Variants in KPNA6 observed in about 807,000 individuals in gnomAD.
KPNA6 encodes the protein karyopherin subunit alpha 6.
In KPNA6, 9 loss-of-function variants were observed where a neutral mutation model predicts 72.0. That is an observed-to-expected ratio of 0.13 (90% CI 0.08 to 0.22). The LOEUF (loss-of-function observed/expected upper bound fraction) is 0.22. KPNA6 is among the 10% of genes least tolerant of loss of function. The pLI, the probability that KPNA6 is intolerant of heterozygous loss-of-function variation, is 1.00. For missense variants in KPNA6, 374 were observed against 655.7 expected (o/e 0.57, Z 4.69); for synonymous variants, 219 against 242.1 (o/e 0.90, Z 0.89).
At chr1:32,158,000 TTC>T (rs1642173644) in intron 4 of KPNA6, among the ~76,000 whole-genome samples, 1 of 152,202 alleles carries the variant, frequency 6.6e-6, no homozygotes, top group Non-Finnish European at 1.5e-5. Flanking sequence ...CCTTAGGTGG[TTC>T]TCTCTCCCAC....
intron 1 of KPNA6, among the ~76,000 whole-genome samples, chr1:32,123,916 C>T (rs1444845436): frequency 6.6e-6 from 1 of 151,218 alleles, no homozygotes; most frequent in East Asian, 1.9e-4. Context: ...CACCAGTAGT[C>T]CCAGCTACTC....
chr1:32,129,336 A>AT (rs199767047), intron 1 of KPNA6, among the ~76,000 whole-genome samples: 1,872 of 146,984 alleles, frequency 0.013, 36 homozygotes, highest in African/African-American at 0.044. Flanking sequence ...TAATTTTTGT[A>AT]TTTTTTTTTA....
chr1:32,144,719 C>T (rs1197051035), intron 1 of KPNA6, among the ~76,000 whole-genome samples: 3 of 151,904 alleles, frequency 2.0e-5, no homozygotes, highest in Non-Finnish European at 2.9e-5. Flanking sequence ...GGCACAATCT[C>T]GCCTCACTGT....
rs1465364959 is a variant in KPNA6, at chr1:32,159,509, A to G, written c.536A>G (p.Asp179Gly). 1.2e-6 allele frequency: 2 copies of G among 1,614,016 alleles called. No individual in the cohort carries two copies. The highest frequency in any genetic ancestry group is 4.5e-5 in the East Asian group (2 of 44,886). ...ATTTTTATAGAGCTGCTTAATTCAGACTTTGAGGATGTTCAGGAACAGGTA... is the reference window on the plus strand; with the variant it reads ...ATTTTTATAGAGCTGCTTAATTCAGGCTTTGAGGATGTTCAGGAACAGGTA... ...VPIFIELLNS[D>G]FEDVQEQAVW... Residue 179 changes from aspartate to glycine, a missense_variant, in exon 6 of 14, where the codon GAC becomes GGC. Physicochemically the swap from Asp to Gly is moderately conservative, Grantham distance 94. Coordinates refer to ENST00000373625, the MANE Select transcript of KPNA6 (RefSeq NM_012316.5).
chr1:32,131,640 A>G (rs1641639218), intron 1 of KPNA6, among the ~76,000 whole-genome samples: 1 of 151,494 alleles, frequency 6.6e-6, no homozygotes, highest in Admixed American at 6.6e-5. Context: ...ACATATATGT[A>G]TGTGTATATA....
At position 32,159,410 on chromosome 1, in the gene KPNA6, C is replaced by T; in HGVS notation, c.437C>T (p.Ala146Val). Residue 146 changes from alanine to valine, a missense_variant, in exon 6 of 14, where the codon GCC becomes GTC. By Grantham distance (64) the Ala-to-Val change is moderately conservative. Coordinates refer to ENST00000373625, the MANE Select transcript of KPNA6 (RefSeq NM_012316.5). ...NENCTLQFEA[A>V]WALTNIASGT... ...TAATCTCACTTTCAGTTTGAAGCTGCCTGGGCTCTAACGAATATTGCCTCT... is the reference window on the plus strand; with the variant it reads ...TAATCTCACTTTCAGTTTGAAGCTGTCTGGGCTCTAACGAATATTGCCTCT... 1 of 1,613,946 alleles carries T rather than the reference C, an allele frequency of 6.2e-7. No individual in the cohort carries two copies. The highest frequency in any genetic ancestry group is 8.5e-7 in the Non-Finnish European group (1 of 1,179,934).
chr1:32,162,402 C>T lies in KPNA6; in HGVS notation c.789C>T (p.Ser263=), dbSNP rs745738744. The T allele has an allele frequency of 5.0e-6, 8 of 1,612,896 alleles. No homozygotes were observed. The highest frequency in any genetic ancestry group is 6.8e-6 in the Non-Finnish European group (8 of 1,179,384). ...CLPVLSRLLF[S]SDSDLLADAC... ...CTGTACTGTCTCGCCTACTCTTCAG[C>T]AGCGACTCGGACTTGCTGGCAGATG... Residue 263 remains serine (S), a synonymous_variant, in exon 9 of 14, where the codon AGC becomes AGT. Coordinates refer to ENST00000373625, the MANE Select transcript of KPNA6 (RefSeq NM_012316.5).
At chr1:32,110,233 T>G (rs1641222573) in intron 1 of KPNA6, among the ~76,000 whole-genome samples, 1 of 151,578 alleles carries the variant, frequency 6.6e-6, no homozygotes, top group Non-Finnish European at 1.5e-5. Context: ...CCTAGCTAAT[T>G]TTTGTATTTT....
intron 1 of KPNA6, among the ~76,000 whole-genome samples, chr1:32,150,786 T>C (rs912660407): frequency 6.6e-5 from 10 of 151,990 alleles, no homozygotes; most frequent in Non-Finnish European, 1.3e-4. Flanking sequence ...GCCACCAAGC[T>C]CAGCTAATTT....
intron 1 of KPNA6, among the ~76,000 whole-genome samples, chr1:32,135,208 C>T (rs1011146263): frequency 2.0e-5 from 3 of 152,198 alleles, no homozygotes; most frequent in African/African-American, 7.2e-5. Context: ...GCTGGGATTA[C>T]AGGCATGCAC....
intron 1 of KPNA6, among the ~76,000 whole-genome samples, chr1:32,146,650 C>T (rs1339261020): frequency 2.0e-5 from 3 of 152,166 alleles, no homozygotes; most frequent in South Asian, 2.1e-4. Flanking sequence ...TATGTTTAAA[C>T]ATTGTGTGAC....
At chr1:32,148,262 G>A (rs1049019126) in intron 1 of KPNA6, among the ~76,000 whole-genome samples, 2 of 151,594 alleles carry the variant, frequency 1.3e-5, no homozygotes, top group African/African-American at 4.8e-5. Context: ...GTTCCACCAT[G>A]CCTGGCTAAT....
In KPNA6 at chr1:32,173,674, T is replaced by A; in HGVS notation, c.*2780T>A. Reference sequence around the variant, plus strand: ...ATGTAATGAAGCAAAATATTATTTATTTAGCCCAGGCTTGAGAGCCACTGT... The same window carrying A: ...ATGTAATGAAGCAAAATATTATTTAATTAGCCCAGGCTTGAGAGCCACTGT... On this transcript the variant is annotated 3_prime_UTR_variant, in exon 14 of 14. Transcript: ENST00000373625. The A allele has an allele frequency of 6.6e-6, 1 of 152,238 alleles. No homozygotes were observed. The highest frequency in any genetic ancestry group is 1.9e-4 in the East Asian group (1 of 5,194). The allele number at this position is 152,238 out of a possible 1,614,324, so 9.4% of individuals were successfully genotyped here.
At chr1:32,159,256 G>T in intron 5 of KPNA6, 144 bp from the exon 6 acceptor site, 2 of 768,026 alleles carry the variant, frequency 2.6e-6, no homozygotes, top group Non-Finnish European at 2.1e-6. Context: ...TAAATTCGTG[G>T]GCAAGAGGCT....
Position 32,138,272 on chromosome 1 carries a change from C to T in KPNA6, c.5-16316C>T, listed in dbSNP as rs554528378. Among the ~76,000 whole-genome samples, 6 of 152,038 alleles carry T rather than the reference C, an allele frequency of 3.9e-5. No individual in the cohort carries two copies. The East Asian group carries it at 7.8e-4, about 20-fold the overall frequency. ...AGTAGAGGTGGAAGCTGGCCAGGCG[C>T]GGTGGCTCATGACTGTCAACCCAGC... On this transcript the variant is annotated intron_variant, in intron 1 of 13. Coordinates refer to ENST00000373625, the MANE Select transcript of KPNA6 (RefSeq NM_012316.5).
chr1:32,144,775 C>G (rs867804470), intron 1 of KPNA6, among the ~76,000 whole-genome samples: 1 of 151,980 alleles, frequency 6.6e-6, no homozygotes, highest in Non-Finnish European at 1.5e-5. Flanking sequence ...GTCAGCCTCC[C>G]GAGTAGCTGG....
At position 32,163,713 on chromosome 1, in the gene KPNA6, T is replaced by TTGTA. The variant is rs754474779; in HGVS notation, c.990+401_990+404dup. 1.1e-3 allele frequency among the ~76,000 whole-genome samples: 162 copies of TTGTA among 152,346 alleles called. 1 individual carries two copies. In the Middle Eastern group the frequency reaches 0.031, roughly 29 times the overall value. ...ATATCATGGACCTTGGAATAATCTTTTGTAAATAACCCTTCTGGTGAAGGC... is the reference window on the plus strand; with the variant it reads ...ATATCATGGACCTTGGAATAATCTTTTGTATGTAAATAACCCTTCTGGTGAAGGC... On this transcript the variant is annotated intron_variant, in intron 10 of 13. Coordinates refer to ENST00000373625, the MANE Select transcript of KPNA6 (RefSeq NM_012316.5).
At chr1:32,148,029 A>G (rs1641961785) in intron 1 of KPNA6, among the ~76,000 whole-genome samples, 1 of 152,130 alleles carries the variant, frequency 6.6e-6, no homozygotes, top group South Asian at 2.1e-4. Context: ...TGTATGTGAT[A>G]AGTCACTTCT....
chr1:32,131,358 G>A (rs1641632714), intron 1 of KPNA6, among the ~76,000 whole-genome samples: 1 of 151,400 alleles, frequency 6.6e-6, no homozygotes, highest in Non-Finnish European at 1.5e-5. Context: ...TGTTAGATAA[G>A]ATGCCAAAGG....
Sources: gnomAD v4.1 joint callset for allele counts (sites outside exome capture counted in the v4.1 genomes callset) on GRCh38, gnomAD v4.1.1 for gene constraint, MANE v1.5 for transcripts, NCBI Gene and HGNC (gene_info 2026-07-23, HGNC 2026-07-21) for gene names.